The following HEMK2 variants were observed in gnomAD, a reference collection of about 807,000 sequenced individuals.
HEMK2 encodes methyltransferase HEMK2.
the HEMK2 span, among the ~76,000 whole-genome samples, chr21:28,667,074 G>A: frequency 6.6e-6 from 1 of 152,078 alleles, no homozygotes; most frequent in Non-Finnish European, 1.5e-5. Context: ...CGTAAAGGAA[G>A]ATAATAATTT....
chr21:28,822,476 C>CA, the HEMK2 span, among the ~76,000 whole-genome samples: 11 of 150,598 alleles, frequency 7.3e-5, no homozygotes, highest in Admixed American at 1.3e-4. Flanking sequence ...CCAATTGCAA[C>CA]AAAAAAAATT....
At chr21:28,627,118 A>G in the HEMK2 span, among the ~76,000 whole-genome samples, 367 of 152,336 alleles carry the variant, frequency 2.4e-3, no homozygotes, top group African/African-American at 8.4e-3. Flanking sequence ...ATTACATTGA[A>G]CAAAAGAAGC....
the HEMK2 span, among the ~76,000 whole-genome samples, chr21:28,588,844 G>A: frequency 2.2e-4 from 33 of 151,976 alleles, no homozygotes; most frequent in African/African-American, 6.8e-4. Flanking sequence ...TTAGCCGGGC[G>A]TTGTGGTGGG....
At chr21:28,672,720 C>G in the HEMK2 span, among the ~76,000 whole-genome samples, 21 of 152,120 alleles carry the variant, frequency 1.4e-4, no homozygotes, top group African/African-American at 4.8e-4. Context: ...TTGTATGACT[C>G]AAAGCAACCA....
At chr21:28,784,255 T>C in the HEMK2 span, among the ~76,000 whole-genome samples, 2 of 152,224 alleles carry the variant, frequency 1.3e-5, no homozygotes, top group Non-Finnish European at 2.9e-5. Context: ...CCTTTATGTC[T>C]AGCTAAGGGA....
the HEMK2 span, among the ~76,000 whole-genome samples, chr21:28,780,232 C>T: frequency 6.6e-6 from 1 of 152,024 alleles, no homozygotes; most frequent in Admixed American, 6.6e-5. Flanking sequence ...GGCTGGAGTG[C>T]ATTGGCACAA....
the HEMK2 span, among the ~76,000 whole-genome samples, chr21:28,706,662 C>T: frequency 3.4e-4 from 51 of 152,110 alleles, no homozygotes; most frequent in Non-Finnish European, 5.0e-4. Context: ...TTTCTTTTCC[C>T]TTCATGAACG....
chr21:28,823,000 G>A, the HEMK2 span, among the ~76,000 whole-genome samples: 6 of 152,156 alleles, frequency 3.9e-5, no homozygotes, highest in Non-Finnish European at 7.3e-5. Context: ...GCTCTCTCAT[G>A]TGGCTGGAAT....
the HEMK2 span, chr21:28,674,809 T>C: frequency 6.6e-6 from 1 of 152,166 alleles, no homozygotes; most frequent in Non-Finnish European, 1.5e-5. Flanking sequence ...GGAGGCCCTG[T>C]TTCTCACAGA....
At chr21:28,707,208 T>C in the HEMK2 span, among the ~76,000 whole-genome samples, 1 of 152,048 alleles carries the variant, frequency 6.6e-6, no homozygotes, top group East Asian at 1.9e-4. Context: ...TAATGAAAAT[T>C]TACTATATTT....
At chr21:28,770,320 C>G in the HEMK2 span, among the ~76,000 whole-genome samples, 1 of 152,082 alleles carries the variant, frequency 6.6e-6, no homozygotes, top group East Asian at 1.9e-4. Context: ...CCCATGGCCA[C>G]CTAGTGTAAT....
the HEMK2 span, among the ~76,000 whole-genome samples, chr21:28,877,949 T>G: frequency 6.6e-6 from 1 of 152,188 alleles, no homozygotes; most frequent in Non-Finnish European, 1.5e-5. Flanking sequence ...TTTTTATACT[T>G]GAATATTAGG....
At chr21:28,782,278 T>A in the HEMK2 span, among the ~76,000 whole-genome samples, 1 of 152,222 alleles carries the variant, frequency 6.6e-6, no homozygotes, top group East Asian at 1.9e-4. Flanking sequence ...CCTAATACTA[T>A]AATATACACA....
chr21:28,838,969 AAAAATATATATATATATAT>A, the HEMK2 span, among the ~76,000 whole-genome samples: 1 of 47,058 alleles, frequency 2.1e-5, no homozygotes, highest in East Asian at 6.1e-4. Flanking sequence ...AAAAAAAAAA[AAAAATATATATATATATAT>A]ATATATATAT....
the HEMK2 span, among the ~76,000 whole-genome samples, chr21:28,823,733 T>C: frequency 6.6e-5 from 10 of 152,170 alleles, no homozygotes; most frequent in Non-Finnish European, 1.2e-4. Flanking sequence ...CCTAGCACCC[T>C]ACAATCTAAG....
chr21:28,688,315 G>C, the HEMK2 span, among the ~76,000 whole-genome samples: 1 of 152,116 alleles, frequency 6.6e-6, no homozygotes, highest in Non-Finnish European at 1.5e-5. Context: ...AAAACATAGT[G>C]AACATACAAC....
the HEMK2 span, among the ~76,000 whole-genome samples, chr21:28,795,414 T>C: frequency 6.6e-6 from 1 of 152,184 alleles, no homozygotes; most frequent in Non-Finnish European, 1.5e-5. Flanking sequence ...AAAATCTTTC[T>C]AATGAACTGA....
chr21:28,616,819 A>C, the HEMK2 span, among the ~76,000 whole-genome samples: 360 of 152,288 alleles, frequency 2.4e-3, 1 homozygote, highest in African/African-American at 6.1e-3. Flanking sequence ...AACTCAAAAA[A>C]CTCAACACAT....
the HEMK2 span, among the ~76,000 whole-genome samples, chr21:28,738,798 C>T: frequency 1.3e-5 from 2 of 152,258 alleles, no homozygotes; most frequent in Admixed American, 6.5e-5. Flanking sequence ...AAAACTTCCA[C>T]ATTTAAATGC....
Sources: allele counts gnomAD v4.1 joint callset (sites outside exome capture counted in the v4.1 genomes callset), GRCh38; gene constraint gnomAD v4.1.1; transcripts MANE v1.5; gene names NCBI Gene and HGNC (gene_info 2026-07-23, HGNC 2026-07-21).